RXRA: variants seen among roughly 807,000 people sequenced by gnomAD.
The protein encoded by RXRA is retinoic acid receptor RXR-alpha.
A neutral mutation model predicts 44.5 loss-of-function variants in RXRA; 5 were observed. The ratio of observed to expected loss-of-function variants is 0.11; its 90% CI spans 0.06 to 0.24. The LOEUF (loss-of-function observed/expected upper bound fraction) is 0.24. RXRA is among the 10% of genes least tolerant of loss of function. The pLI, the probability that RXRA is intolerant of heterozygous loss-of-function variation, is 1.00. For synonymous variants in RXRA, 291 were observed against 271.4 expected (o/e 1.07, Z -0.71); for missense variants, 412 against 646.5 (o/e 0.64, Z 3.93).
intron 1 of RXRA, among the ~76,000 whole-genome samples, chr9:134,357,729 C>T (rs898776648): frequency 1.3e-5 from 2 of 152,196 alleles, no homozygotes; most frequent in Non-Finnish European, 2.9e-5. Flanking sequence ...CAAACATGCA[C>T]CAGAGGTAAG....
chr9:134,338,376 C>T (rs182244068), intron 1 of RXRA, among the ~76,000 whole-genome samples: 3 of 152,350 alleles, frequency 2.0e-5, no homozygotes, highest in African/African-American at 7.2e-5. Context: ...CAGGGTGCCC[C>T]TGGCTGCAGG....
At chr9:134,346,493 G>T (rs1830153749) in intron 1 of RXRA, among the ~76,000 whole-genome samples, 1 of 152,168 alleles carries the variant, frequency 6.6e-6, no homozygotes, top group Admixed American at 6.5e-5. Context: ...GCACTCACCA[G>T]GTCCTGCCAG....
intron 1 of RXRA, among the ~76,000 whole-genome samples, chr9:134,368,768 G>A (rs939227914): frequency 2.1e-5 from 3 of 141,860 alleles, no homozygotes; most frequent in Admixed American, 1.4e-4. Flanking sequence ...GTGTGTGACT[G>A]TGAGTGTGTT....
chr9:134,337,028 T>G (rs1317890876), intron 1 of RXRA, among the ~76,000 whole-genome samples: 12 of 152,018 alleles, frequency 7.9e-5, no homozygotes, highest in African/African-American at 1.4e-4. Flanking sequence ...GGCTGAGGCT[T>G]AAGGCTGGGG....
At chr9:134,379,857 G>A (rs1053785706) in intron 1 of RXRA, 67 of 985,164 alleles carry the variant, frequency 6.8e-5, no homozygotes, top group Non-Finnish European at 8.0e-5. Flanking sequence ...GTGGCCCTGG[G>A]ATCTGGCCTT....
chr9:134,432,875 G>A (rs1039961903), intron 8 of RXRA, among the ~76,000 whole-genome samples: 4 of 152,194 alleles, frequency 2.6e-5, no homozygotes, highest in African/African-American at 9.6e-5. Flanking sequence ...GCTAAGTTTG[G>A]GTTTTTTCTT....
intron 1 of RXRA, among the ~76,000 whole-genome samples, chr9:134,331,440 C>T (rs1186404386): frequency 1.3e-5 from 2 of 152,230 alleles, no homozygotes; most frequent in Non-Finnish European, 2.9e-5. Flanking sequence ...CTGTTGCACA[C>T]ACACAGAGTC....
At chr9:134,367,193 G>A (rs1023496632) in intron 1 of RXRA, among the ~76,000 whole-genome samples, 1 of 152,158 alleles carries the variant, frequency 6.6e-6, no homozygotes, top group African/African-American at 2.4e-5. Flanking sequence ...TGGAGCTGCT[G>A]CAGTGCCCCG....
rs1236545851 is a variant in RXRA at position 134,349,807 on chromosome 9, G to A, written c.28+23148G>A. Among the ~76,000 whole-genome samples the A allele has an allele frequency of 2.0e-5, 3 of 148,936 alleles. No individual in the cohort carries two copies. The highest frequency in any genetic ancestry group is 4.5e-5 in the Non-Finnish European group (3 of 67,334). On this transcript the variant is annotated intron_variant, in intron 1 of 9. Transcript: ENST00000481739. This position sits in a 1 kb window ranked among gnomAD's most constrained non-coding sequence, Gnocchi z 4.3. ...GAAGGCTGCTTGGAGGAGGGGCAGAGCTGGGCTAGCTCGGGTGGGCGGGCG... is the reference window on the plus strand; with the variant it reads ...GAAGGCTGCTTGGAGGAGGGGCAGAACTGGGCTAGCTCGGGTGGGCGGGCG...
At chr9:134,423,632 T>G (rs1831384247) in intron 6 of RXRA, 2 of 985,490 alleles carry the variant, frequency 2.0e-6, no homozygotes, top group Non-Finnish European at 1.2e-6. Flanking sequence ...CCCGCTGGCC[T>G]CGTGTCTGGT....
chr9:134,411,890 G>A (rs1831154850), intron 4 of RXRA, among the ~76,000 whole-genome samples: 1 of 152,156 alleles, frequency 6.6e-6, no homozygotes, highest in African/African-American at 2.4e-5. Flanking sequence ...AGCCAGGCCT[G>A]TGGAGCTCCT....
intron 1 of RXRA, among the ~76,000 whole-genome samples, chr9:134,368,960 G>C (rs1448761308): frequency 5.8e-5 from 8 of 138,216 alleles, no homozygotes; most frequent in Non-Finnish European, 1.1e-4. Context: ...GAGTGCGGGG[G>C]TTGTGTGTGT....
rs1831389908 is a variant in RXRA at position 134,423,946 on chromosome 9, G to T, written c.910+2141G>T. The T allele has an allele frequency of 3.0e-6, 3 of 985,254 alleles. No individual in the cohort carries two copies. The South Asian group carries it at 1.4e-4, about 46-fold the overall frequency. The allele number at this position is 985,254 out of a possible 1,614,324, so 61.0% of individuals were successfully genotyped here. On this transcript the variant is annotated intron_variant, in intron 6 of 9. Transcript: ENST00000481739. The stretch of plus-strand genomic sequence containing the variant: ...CGCAGCTCTTTTCCTGGGGATCCCA[G>T]ATGGTTGTGCGCTGGGGGCCTGGCG...
At chr9:134,397,588 G>C (rs1036110073) in intron 1 of RXRA, among the ~76,000 whole-genome samples, 4 of 152,238 alleles carry the variant, frequency 2.6e-5, no homozygotes, top group African/African-American at 9.7e-5. Context: ...CACTGCCCCT[G>C]CCGGGATCAG....
intron 1 of RXRA, among the ~76,000 whole-genome samples, chr9:134,339,088 G>A (rs1554747731): frequency 6.7e-6 from 1 of 149,948 alleles, no homozygotes; most frequent in East Asian, 1.9e-4. Context: ...CTGGTGTCGG[G>A]GCAGGGCTGG....
rs763945022 is a variant in RXRA, at chr9:134,437,851, AT to A, written c.*1239del. Reference sequence around the variant, plus strand: ...CCCTGGTGGGACCACCCAGCCTGGTATTGTCCACGGACAGCGTTGTTCACCC... The same window carrying A: ...CCCTGGTGGGACCACCCAGCCTGGTATGTCCACGGACAGCGTTGTTCACCC... On this transcript the variant is annotated 3_prime_UTR_variant, in exon 10 of 10. Coordinates refer to ENST00000481739, the MANE Select transcript of RXRA (RefSeq NM_002957.6). 3.4e-5 allele frequency: 5 copies of A among 145,144 alleles called. No homozygotes were observed. The highest frequency in any genetic ancestry group is 6.1e-5 in the Non-Finnish European group (4 of 65,928). The allele number at this position is 145,144 out of a possible 1,614,324, so 9.0% of individuals were successfully genotyped here.
chr9:134,358,306 A>AGCAGGCAG (rs528438211), intron 1 of RXRA, among the ~76,000 whole-genome samples: 15 of 152,148 alleles, frequency 9.9e-5, no homozygotes, highest in Admixed American at 6.5e-5. Context: ...TTCCTCCGGC[A>AGCAGGCAG]GCAGGCAGGC....
intron 1 of RXRA, among the ~76,000 whole-genome samples, chr9:134,355,792 C>A (rs544879262): frequency 6.6e-6 from 1 of 152,330 alleles, no homozygotes; most frequent in Admixed American, 6.5e-5. Flanking sequence ...GTTGTGCAAC[C>A]TGCAGCTGTG....
chr9:134,424,081 G>T, intron 6 of RXRA: 2 of 985,430 alleles, frequency 2.0e-6, no homozygotes, highest in Non-Finnish European at 2.4e-6. Flanking sequence ...CCTGTGTGGG[G>T]TGTTCGTGGT....
Sources: gnomAD v4.1 joint callset for allele counts (sites outside exome capture counted in the v4.1 genomes callset) on GRCh38, gnomAD v4.1.1 for gene constraint, Gnocchi (gnomAD v3.1) non-coding constraint, MANE v1.5 for transcripts, NCBI Gene and HGNC (gene_info 2026-07-23, HGNC 2026-07-21) for gene names.